Variants in LYPD6B observed in about 807,000 individuals in gnomAD.
LYPD6B encodes the protein ly6/PLAUR domain-containing protein 6B.
In LYPD6B, 17 loss-of-function variants were observed where a neutral mutation model predicts 22.8. The ratio of observed to expected loss-of-function variants is 0.75; its 90% CI spans 0.51 to 1.12. The LOEUF (loss-of-function observed/expected upper bound fraction) is 1.12, where lower values mean the gene tolerates loss of function less well. Ranked by LOEUF, LYPD6B falls within the 50% of genes most tolerant of loss-of-function variation. The pLI is 0.00. For synonymous variants in LYPD6B, 106 were observed against 91.6 expected, an observed-to-expected ratio of 1.16 and a Z score of -0.90; for missense variants, 221 against 258.3, an observed-to-expected ratio of 0.86 and a Z score of 0.99.
intron 2 of LYPD6B, among the ~76,000 whole-genome samples, chr2:149,152,469 T>A (rs1689440782): frequency 6.6e-6 from 1 of 152,118 alleles, no homozygotes; most frequent in African/African-American, 2.4e-5. Flanking sequence ...GGCTATGGAA[T>A]TGGACAAGTG....
intron 1 of LYPD6B, among the ~76,000 whole-genome samples, chr2:149,047,752 C>T (rs531264189): frequency 9.6e-4 from 146 of 152,112 alleles, no homozygotes; most frequent in African/African-American, 3.2e-3. Context: ...TTCAGTTACA[C>T]CTAGGTTTGA....
At chr2:149,047,191 A>G (rs1272966156) in intron 1 of LYPD6B, among the ~76,000 whole-genome samples, 4 of 149,438 alleles carry the variant, frequency 2.7e-5, no homozygotes, top group Non-Finnish European at 6.0e-5. Flanking sequence ...TGGTCTGGCA[A>G]CGCCTGGATA....
chr2:149,113,238 A>G (rs920375044), intron 1 of LYPD6B, among the ~76,000 whole-genome samples: 1 of 152,126 alleles, frequency 6.6e-6, no homozygotes, highest in Non-Finnish European at 1.5e-5. Context: ...GTCATTATTT[A>G]TAGAGTTCCC....
At chr2:149,085,286 A>C (rs59100733) in intron 1 of LYPD6B, among the ~76,000 whole-genome samples, 3,397 of 152,274 alleles carry the variant, frequency 0.022, 113 homozygotes, top group African/African-American at 0.073. Context: ...CAGTATCCCC[A>C]GAGAGCATGC....
chr2:149,209,541 G>A (rs1693712239), intron 5 of LYPD6B, among the ~76,000 whole-genome samples: 1 of 152,130 alleles, frequency 6.6e-6, no homozygotes, highest in Admixed American at 6.5e-5. Context: ...TACAGAATTA[G>A]AGATAACTAG....
chr2:149,076,065 T>C (rs1304227405), intron 1 of LYPD6B, among the ~76,000 whole-genome samples: 1 of 152,074 alleles, frequency 6.6e-6, no homozygotes, highest in Non-Finnish European at 1.5e-5. Flanking sequence ...GAACGTGAAC[T>C]GTCAGGATTT....
At chr2:149,214,522 T>A (rs746813804) in intron 6 of LYPD6B, 24 bp from the exon 7 acceptor site, 8 of 1,610,286 alleles carry the variant, frequency 5.0e-6, no homozygotes, top group Non-Finnish European at 6.8e-6. Context: ...TCACTGTCAT[T>A]TCCTCTCTCC....
chr2:149,156,518 A>G (rs1689711408), intron 2 of LYPD6B, among the ~76,000 whole-genome samples: 1 of 152,186 alleles, frequency 6.6e-6, no homozygotes, highest in Non-Finnish European at 1.5e-5. Context: ...CTGGAAGTTC[A>G]AAATCAAGGT....
intron 1 of LYPD6B, among the ~76,000 whole-genome samples, chr2:149,058,358 G>T (rs999732594): frequency 2.0e-5 from 3 of 152,172 alleles, no homozygotes; most frequent in Non-Finnish European, 4.4e-5. Flanking sequence ...ACTACTAGGT[G>T]CCCTGATCTC....
At chr2:149,189,352 A>ATT in intron 3 of LYPD6B, among the ~76,000 whole-genome samples, 1 of 91,690 alleles carries the variant, frequency 1.1e-5, no homozygotes, top group East Asian at 3.4e-4. Flanking sequence ...TTATATATAT[A>ATT]TATATATATA....
intron 1 of LYPD6B, among the ~76,000 whole-genome samples, chr2:149,047,285 C>A (rs1400810113): frequency 6.6e-6 from 1 of 151,978 alleles, no homozygotes; most frequent in Non-Finnish European, 1.5e-5. Context: ...ATTTTTCCTG[C>A]ATCTTTGGGA....
At chr2:149,108,537 C>G (rs928737061) in intron 1 of LYPD6B, among the ~76,000 whole-genome samples, 1 of 152,142 alleles carries the variant, frequency 6.6e-6, no homozygotes, top group Non-Finnish European at 1.5e-5. Flanking sequence ...TGACTAGTGA[C>G]AGAATTGTGA....
chr2:149,181,289 A>T (rs1022661830), intron 3 of LYPD6B, among the ~76,000 whole-genome samples: 2 of 152,168 alleles, frequency 1.3e-5, no homozygotes, highest in African/African-American at 4.8e-5. Context: ...GAGACGGCGT[A>T]TCTTATAGGT....
intron 2 of LYPD6B, among the ~76,000 whole-genome samples, chr2:149,146,373 G>A (rs562627294): frequency 1.3e-5 from 2 of 152,076 alleles, no homozygotes; most frequent in Non-Finnish European, 2.9e-5. Context: ...GGCACTGTAG[G>A]GGGGGATGCC....
At chr2:149,094,051 C>T (rs1411418639) in intron 1 of LYPD6B, among the ~76,000 whole-genome samples, 1 of 151,954 alleles carries the variant, frequency 6.6e-6, no homozygotes, top group Non-Finnish European at 1.5e-5. Context: ...AGTGGTGGAA[C>T]AAGAAATGGA....
At chr2:149,170,603 TA>T (rs1421992120) in intron 3 of LYPD6B, among the ~76,000 whole-genome samples, 1 of 152,224 alleles carries the variant, frequency 6.6e-6, no homozygotes, top group Non-Finnish European at 1.5e-5. Flanking sequence ...TTAATATTTA[TA>T]TTTATTACAG....
chr2:149,067,222 T>C lies in LYPD6B; in HGVS notation c.-67+28421T>C, dbSNP rs183645660. Among the ~76,000 whole-genome samples the C allele has an allele frequency of 2.4e-3, 365 of 152,280 alleles. 2 individuals carry two copies. Among genetic ancestry groups the C allele is most frequent in the African/African-American group, 8.3e-3 (343 of 41,568 alleles). ...AGGTGGTTCTTATGCCTGCTTCAGT[T>C]TGAGAAGCGCTGCTACATAATATGT... On this transcript the variant is annotated intron_variant, in intron 1 of 6. Coordinates refer to ENST00000409642, the MANE Select transcript of LYPD6B (RefSeq NM_177964.5).
chr2:149,049,812 G>A (rs925101263), intron 1 of LYPD6B, among the ~76,000 whole-genome samples: 3 of 152,174 alleles, frequency 2.0e-5, no homozygotes, highest in Admixed American at 2.0e-4. Flanking sequence ...TTGGGGCCTT[G>A]AAGGTAAGCA....
rs558989757 is a variant in LYPD6B, at chr2:149,160,775, T to C, written c.17T>C (p.Leu6Pro). Residue 6 changes from leucine to proline, a missense_variant, in exon 3 of 7, where the codon CTG (leucine) becomes CCG (proline). Leu to Pro is a moderately conservative substitution (Grantham distance 98, BLOSUM62 -3). Transcript: ENST00000409642. The stretch of plus-strand genomic sequence containing the variant: ...TTTATCTCTGGTAGGCTGATTACTC[T>C]GAGTGCAAACCTTTTCACTGTTCCA... MLLIT[L>P]SANLFTVPER... The C allele has an allele frequency of 3.9e-6, 6 of 1,555,314 alleles. No homozygotes were observed. In the African/African-American group the frequency reaches 8.2e-5, roughly 21 times the overall value.
Sources: allele counts gnomAD v4.1 joint callset (sites outside exome capture counted in the v4.1 genomes callset), GRCh38; gene constraint gnomAD v4.1.1; transcripts MANE v1.5; gene names NCBI Gene and HGNC (gene_info 2026-07-23, HGNC 2026-07-21).